Variants in GABRB1 observed in about 807,000 individuals in gnomAD.
The protein encoded by GABRB1 is gamma-aminobutyric acid receptor subunit beta-1.
A neutral mutation model predicts 51.6 loss-of-function variants in GABRB1; 17 were observed. The observed-to-expected ratio is 0.33, with a 90% CI of 0.23 to 0.49. GABRB1 has a LOEUF of 0.49. Ranked by LOEUF, GABRB1 falls within the 20% of genes least tolerant of loss-of-function variation. The probability of loss-of-function intolerance (pLI) is 0.99; values close to 1 mark genes in which losing one functional copy is unlikely to be tolerated. For missense variants in GABRB1, 410 were observed against 600.6 expected, an observed-to-expected ratio of 0.68 and a Z score of 3.32; for synonymous variants, 247 against 218.9, an observed-to-expected ratio of 1.13 and a Z score of -1.14.
rs1055533833 is a variant in GABRB1, at chr4:47,032,282, C to T, written c.173-135C>T. The T allele has an allele frequency of 5.8e-6, 5 of 858,740 alleles. No individual in the cohort carries two copies. In the African/African-American group the frequency reaches 8.4e-5, roughly 14 times the overall value. The allele number at this position is 858,740 out of a possible 1,614,324, so 53.2% of individuals were successfully genotyped here. Reference sequence around the variant, plus strand: ...GCCCACACCTGTTTTCCCAGGCAGTCCCCTGAAAGGGGTGGTGGGGGGAGC... The same window carrying T: ...GCCCACACCTGTTTTCCCAGGCAGTTCCCTGAAAGGGGTGGTGGGGGGAGC... On this transcript the variant is annotated intron_variant, in intron 2 of 8. Transcript: ENST00000295454.
chr4:47,287,981 C>T (rs1723574569), intron 4 of GABRB1, among the ~76,000 whole-genome samples: 1 of 152,148 alleles, frequency 6.6e-6, no homozygotes, highest in South Asian at 2.1e-4. Flanking sequence ...CAGCCAGCAA[C>T]TTGATTGCAA....
chr4:47,389,275 C>T (rs969845752), intron 5 of GABRB1, among the ~76,000 whole-genome samples: 17 of 152,176 alleles, frequency 1.1e-4, no homozygotes, highest in Admixed American at 1.3e-4. Flanking sequence ...TTTGATTTCT[C>T]AATAACAAAA....
At chr4:47,113,176 G>A (rs558872492) in intron 3 of GABRB1, among the ~76,000 whole-genome samples, 48 of 152,078 alleles carry the variant, frequency 3.2e-4, no homozygotes, top group African/African-American at 1.9e-4. Flanking sequence ...ACCAGAAGTC[G>A]AGAGTTCGAG....
intron 4 of GABRB1, among the ~76,000 whole-genome samples, chr4:47,211,609 G>C (rs1012642318): frequency 2.0e-5 from 3 of 152,150 alleles, no homozygotes; most frequent in African/African-American, 7.2e-5. Context: ...GTATATTAGT[G>C]TCCTATTGCC....
chr4:47,381,080 TG>T (rs1253729828), intron 5 of GABRB1, among the ~76,000 whole-genome samples: 1 of 152,140 alleles, frequency 6.6e-6, no homozygotes, highest in Non-Finnish European at 1.5e-5. Flanking sequence ...AGCAGGGAAA[TG>T]TGCCCTAGTC....
intron 4 of GABRB1, among the ~76,000 whole-genome samples, chr4:47,163,363 A>T (rs1212135238): frequency 4.1e-4 from 62 of 152,036 alleles, no homozygotes; most frequent in Admixed American, 4.0e-3. Flanking sequence ...TCTAACTCCC[A>T]GGGGTATCGG....
rs577228614 is a variant in GABRB1, at chr4:47,224,298, A to G, written c.461+62829A>G. Among the ~76,000 whole-genome samples the G allele has an allele frequency of 1.9e-4, 28 of 151,270 alleles. No homozygotes were observed. In the East Asian group the frequency reaches 5.0e-3, roughly 27 times the overall value. ...TGACTCCTATGTTTACCTGCTTATT[A>G]AAATATATATATATATAAAATCTGG... On this transcript the variant is annotated intron_variant, in intron 4 of 8. Transcript: ENST00000295454.
chr4:47,313,304 C>T (rs10000697), intron 4 of GABRB1, among the ~76,000 whole-genome samples: 93,371 of 151,918 alleles, frequency 0.61, 28,798 homozygotes, highest in East Asian at 0.7. Context: ...TATCCACCAA[C>T]AAAAATATTT....
intron 4 of GABRB1, among the ~76,000 whole-genome samples, chr4:47,297,752 A>C (rs1032261050): frequency 2.0e-5 from 3 of 152,210 alleles, no homozygotes; most frequent in Non-Finnish European, 4.4e-5. Flanking sequence ...TCCCTAACTC[A>C]TTTTATGAGG....
intron 4 of GABRB1, among the ~76,000 whole-genome samples, chr4:47,243,364 A>T (rs1578028117): frequency 6.6e-6 from 1 of 152,142 alleles, no homozygotes; most frequent in East Asian, 1.9e-4. Flanking sequence ...TGACTTGGTG[A>T]TGCGGGCTCT....
rs777094798 is a variant in GABRB1, at chr4:47,179,565, A to G, written c.461+18096A>G. ...CCATACTTTTAAGTCATTTACTTTT[A>G]CCAACATATATGTTTTACTTGCTTT... On this transcript the variant is annotated intron_variant, in intron 4 of 8. Coordinates refer to ENST00000295454, the MANE Select transcript of GABRB1 (RefSeq NM_000812.4). 5.8e-4 allele frequency among the ~76,000 whole-genome samples: 89 copies of G among 152,150 alleles called. 1 individual carries two copies. The highest frequency in any genetic ancestry group is 1.6e-4 in the Non-Finnish European group (11 of 68,016).
chr4:47,355,120 G>A (rs576727126), intron 5 of GABRB1, among the ~76,000 whole-genome samples: 1 of 150,836 alleles, frequency 6.6e-6, no homozygotes, highest in Admixed American at 6.6e-5. Flanking sequence ...CAAGTAGCTG[G>A]GGCTACAGGG....
intron 5 of GABRB1, among the ~76,000 whole-genome samples, chr4:47,351,118 C>T (rs1726312649): frequency 6.6e-6 from 1 of 152,202 alleles, no homozygotes. Flanking sequence ...TCAACAAATA[C>T]TGTGTCCTAC....
intron 3 of GABRB1, among the ~76,000 whole-genome samples, chr4:47,109,500 G>A (rs1378760486): frequency 6.6e-6 from 1 of 152,100 alleles, no homozygotes; most frequent in African/African-American, 2.4e-5. Flanking sequence ...GATGGACCAT[G>A]AGTTTGGTTG....
chr4:47,300,986 A>G (rs1020225757), intron 4 of GABRB1, among the ~76,000 whole-genome samples: 6 of 152,204 alleles, frequency 3.9e-5, no homozygotes, highest in Non-Finnish European at 8.8e-5. Context: ...ATAAATCACC[A>G]GATGATCAGA....
intron 5 of GABRB1, among the ~76,000 whole-genome samples, chr4:47,371,486 G>C (rs58877228): frequency 0.27 from 40,391 of 152,058 alleles, 5,453 homozygotes; most frequent in African/African-American, 0.31. Context: ...TGGTATTTCT[G>C]CCTCTAGATC....
rs115721423 is a variant in GABRB1 at position 47,345,562 on chromosome 4, T to C, written c.544+25353T>C. 3.6e-3 allele frequency among the ~76,000 whole-genome samples: 555 copies of C among 152,274 alleles called. 1 individual carries two copies. Among genetic ancestry groups the C allele is most frequent in the Middle Eastern group, 6.8e-3 (2 of 294 alleles). ...GTGGTAGGAAGGATCTTGGTAAGCA[T>C]AAGGGATGAAAATAAATCTAATGTG... On this transcript the variant is annotated intron_variant, in intron 5 of 8. Transcript: ENST00000295454.
chr4:47,091,815 G>A (rs1030804925), intron 3 of GABRB1, among the ~76,000 whole-genome samples: 3 of 152,190 alleles, frequency 2.0e-5, no homozygotes, highest in Non-Finnish European at 2.9e-5. Flanking sequence ...GGCACTCCAC[G>A]CCTCTGCCCT....
chr4:47,225,020 G>A (rs1316709292), intron 4 of GABRB1, among the ~76,000 whole-genome samples: 4 of 152,054 alleles, frequency 2.6e-5, no homozygotes, highest in East Asian at 3.9e-4. Context: ...TCAGCCTCCC[G>A]AGTAGCTGGG....
Sources: allele counts gnomAD v4.1 joint callset (sites outside exome capture counted in the v4.1 genomes callset), GRCh38; gene constraint gnomAD v4.1.1; transcripts MANE v1.5; gene names NCBI Gene and HGNC (gene_info 2026-07-23, HGNC 2026-07-21).